The following R3HDM2 variants were observed in gnomAD, a reference collection of about 807,000 sequenced individuals.
R3HDM2 encodes the protein R3H domain containing 2, also known as R3H domain-containing protein 2.
Under a neutral mutation model 124.5 loss-of-function variants are expected in R3HDM2, and 38 were observed. The observed-to-expected ratio is 0.31, with a 90% CI of 0.24 to 0.40. The LOEUF (loss-of-function observed/expected upper bound fraction) is 0.40, where lower values mean the gene tolerates loss of function less well. R3HDM2 is among the 10% of genes least tolerant of loss of function. R3HDM2 has a pLI of 1.00. For synonymous variants in R3HDM2, 391 were observed against 448.0 expected (o/e 0.87, Z 1.61); for missense variants, 869 against 1,236.9 (o/e 0.70, Z 4.46).
intron 1 of R3HDM2, among the ~76,000 whole-genome samples, chr12:57,410,317 T>C (rs182814678): frequency 0.015 from 1,532 of 102,834 alleles, 23 homozygotes; most frequent in African/African-American, 0.058. Context: ...TAGTATAACC[T>C]TAAAAAAAAA....
intron 2 of R3HDM2, among the ~76,000 whole-genome samples, chr12:57,334,205 T>G (rs1430243445): frequency 6.6e-6 from 1 of 152,084 alleles, no homozygotes; most frequent in African/African-American, 2.4e-5. Flanking sequence ...CCTCCCCCAA[T>G]CAAATCACAT....
chr12:57,351,727 G>A (rs2060697455), intron 2 of R3HDM2, among the ~76,000 whole-genome samples: 1 of 152,094 alleles, frequency 6.6e-6, no homozygotes, highest in African/African-American at 2.4e-5. Flanking sequence ...ACAAAAATTA[G>A]AAACAAATCA....
chr12:57,384,445 A>G (rs1052909266), intron 2 of R3HDM2, among the ~76,000 whole-genome samples: 2 of 152,160 alleles, frequency 1.3e-5, no homozygotes, highest in Admixed American at 6.6e-5. Flanking sequence ...CATCTCTCTC[A>G]GTTTCCTCAT....
intron 12 of R3HDM2, among the ~76,000 whole-genome samples, chr12:57,284,730 A>T (rs2046941952): frequency 6.6e-6 from 1 of 152,228 alleles, no homozygotes; most frequent in Admixed American, 6.5e-5. Flanking sequence ...TCTTCAGCAA[A>T]TATGCTCTTG....
At chr12:57,404,703 CA>C (rs1566496808) in intron 1 of R3HDM2, among the ~76,000 whole-genome samples, 1 of 151,620 alleles carries the variant, frequency 6.6e-6, no homozygotes, top group African/African-American at 2.4e-5. Context: ...TGTCTCAAAA[CA>C]AAAACAAACA....
chr12:57,393,023 C>G (rs1476141389), intron 2 of R3HDM2, among the ~76,000 whole-genome samples: 1 of 151,960 alleles, frequency 6.6e-6, no homozygotes, highest in Non-Finnish European at 1.5e-5. Context: ...CCAGTATGGT[C>G]TCAATCTCCT....
intron 17 of R3HDM2, 75 bp from the exon 18 acceptor site, chr12:57,268,532 C>T (rs1019308134): frequency 7.4e-6 from 11 of 1,480,568 alleles, no homozygotes; most frequent in East Asian, 2.3e-5. Context: ...CTAGTCATCA[C>T]GAGATCAGGG....
rs1479985887 is a variant in R3HDM2, at chr12:57,395,114, G to A, written c.-36+635C>T. On this transcript the variant is annotated intron_variant, in intron 2 of 23. Coordinates refer to ENST00000402412, the MANE Select transcript of R3HDM2 (RefSeq NM_001394031.1). The stretch of plus-strand genomic sequence containing the variant: ...AATCCCAGCATCTAGGGAGGCTGAG[G>A]CAGGAGAATCATTTGAACTCAGGAG... Among the ~76,000 whole-genome samples the A allele has an allele frequency of 2.6e-5, 4 of 152,084 alleles. No individual in the cohort carries two copies. In the South Asian group the frequency reaches 6.2e-4, roughly 24 times the overall value.
chr12:57,321,131 T>C (rs373290848), intron 2 of R3HDM2, among the ~76,000 whole-genome samples: 3 of 152,184 alleles, frequency 2.0e-5, no homozygotes, highest in African/African-American at 7.2e-5. Flanking sequence ...ATCTGAAATC[T>C]GAAAGAGTAC....
intron 2 of R3HDM2, among the ~76,000 whole-genome samples, chr12:57,360,008 T>TAAATAAATAA (rs1246477444): frequency 1.1e-5 from 1 of 89,374 alleles, no homozygotes; most frequent in African/African-American, 3.4e-5. Flanking sequence ...AATAAATAAA[T>TAAATAAATAA]ATATATATAT....
At chr12:57,316,238 G>A (rs964971519) in intron 2 of R3HDM2, among the ~76,000 whole-genome samples, 2 of 152,206 alleles carry the variant, frequency 1.3e-5, no homozygotes, top group Admixed American at 6.5e-5. Flanking sequence ...CACATTCATT[G>A]ATCTAACCCA....
At chr12:57,354,880 A>G (rs1220069210) in intron 2 of R3HDM2, among the ~76,000 whole-genome samples, 1 of 151,954 alleles carries the variant, frequency 6.6e-6, no homozygotes, top group Non-Finnish European at 1.5e-5. Context: ...GTTGGAATGC[A>G]GTGGGATGAT....
chr12:57,318,855 G>A (rs2055753872), intron 2 of R3HDM2, among the ~76,000 whole-genome samples: 1 of 152,150 alleles, frequency 6.6e-6, no homozygotes, highest in Non-Finnish European at 1.5e-5. Context: ...CAAGTAAACT[G>A]AGGCACAGAG....
chr12:57,294,479 C>T (rs763969949), intron 10 of R3HDM2, among the ~76,000 whole-genome samples: 6 of 152,116 alleles, frequency 3.9e-5, no homozygotes, highest in Non-Finnish European at 5.9e-5. Context: ...GCACTTTTCT[C>T]AAAAGGACTC....
At chr12:57,320,076 C>T (rs759761050) in intron 2 of R3HDM2, among the ~76,000 whole-genome samples, 2 of 151,486 alleles carry the variant, frequency 1.3e-5, no homozygotes, top group Admixed American at 6.6e-5. Flanking sequence ...CTGGCCAACA[C>T]GGTGAAACCC....
At chr12:57,413,256 G>T (rs2069176252) in intron 1 of R3HDM2, among the ~76,000 whole-genome samples, 1 of 151,950 alleles carries the variant, frequency 6.6e-6, no homozygotes, top group Non-Finnish European at 1.5e-5. Flanking sequence ...ATCTCCCATG[G>T]CAAGTCACCA....
At chr12:57,255,411 G>A (rs114434175) in intron 23 of R3HDM2, among the ~76,000 whole-genome samples, 1,796 of 152,276 alleles carry the variant, frequency 0.012, 30 homozygotes, top group African/African-American at 0.041. Flanking sequence ...CTCTCACAAG[G>A]TGCTACTGCT....
In R3HDM2 at chr12:57,280,501, T is replaced by C. The variant is rs941261063; in HGVS notation, c.1201A>G (p.Asn401Asp). Residue 401 changes from asparagine (N) to aspartate (D), a missense_variant, in exon 14 of 24, where the codon AAC becomes GAC. By Grantham distance (23) the Asn-to-Asp change is conservative. This residue lies in a region of R3HDM2 where 602 missense variants were observed against 789.2 expected (regional missense o/e 0.76). Transcript: ENST00000402412. ...GMALGAPEVC[N>D]QVTSSQSVRG... ...ACAGACTGGGATGAGGTGACCTGGT[T>C]GCACACTTCTGGGGCACCTAGTGCC... is the stretch of plus-strand genomic sequence containing the variant. 3.1e-6 allele frequency: 5 copies of C among 1,613,010 alleles called. No individual in the cohort carries two copies. In the African/African-American group the frequency reaches 4.0e-5, roughly 13 times the overall value.
chr12:57,343,736 T>G (rs1593610874), intron 2 of R3HDM2, among the ~76,000 whole-genome samples: 3 of 130,290 alleles, frequency 2.3e-5, no homozygotes, highest in East Asian at 2.1e-4. Context: ...GAATAAGAGA[T>G]AGACTCATGA....
Sources: gnomAD v4.1 joint callset for allele counts (sites outside exome capture counted in the v4.1 genomes callset) on GRCh38, gnomAD v4.1.1 for gene constraint, gnomAD v4.1.1 regional missense constraint, MANE v1.5 for transcripts, NCBI Gene and HGNC (gene_info 2026-07-23, HGNC 2026-07-21) for gene names.